AFF2: variants seen among roughly 807,000 people sequenced by gnomAD.
The protein encoded by AFF2 is AF4/FMR2 family member 2.
In AFF2, 14 loss-of-function variants were observed where a neutral mutation model predicts 76.9. The observed-to-expected ratio is 0.18, with a 90% CI of 0.12 to 0.28. The LOEUF is 0.28. AFF2 is among the 10% of genes least tolerant of loss of function. The probability of loss-of-function intolerance (pLI) is 1.00; values close to 1 mark genes in which losing one functional copy is unlikely to be tolerated. For missense variants in AFF2, 868 were observed against 1,001.1 expected (o/e 0.87, Z 1.79); for synonymous variants, 398 against 366.7 (o/e 1.09, Z -0.98).
At chrX:148,713,931 GA>G (rs2054998586) in intron 3 of AFF2, among the ~76,000 whole-genome samples, 1 of 111,861 alleles carries the variant, frequency 8.9e-6, no homozygotes, top group African/African-American at 3.2e-5. Flanking sequence ...TTCAGGGTAT[GA>G]AAATGCAAAG....
chrX:148,529,013 G>A (rs1265246636), intron 1 of AFF2, among the ~76,000 whole-genome samples: 3 of 111,819 alleles, frequency 2.7e-5, no homozygotes, highest in Non-Finnish European at 5.6e-5. Context: ...TTCCTACTGT[G>A]CTCATAAAGT....
chrX:148,923,108 G>A (rs191177462), intron 9 of AFF2, among the ~76,000 whole-genome samples: 1 of 111,798 alleles, frequency 8.9e-6, no homozygotes, highest in East Asian at 2.8e-4. Flanking sequence ...AGGCATGAAT[G>A]TCCTTTGGCT....
intron 3 of AFF2, among the ~76,000 whole-genome samples, chrX:148,698,797 G>GTTTTTTTTTTTTTTTTTTTTTT (rs142604433): frequency 4.2e-5 from 3 of 71,714 alleles, no homozygotes; most frequent in Non-Finnish European, 8.1e-5. Context: ...GAGTTCTAGT[G>GTTTTTTTTTTTTTTTTTTTTTT]TTTTTTTTTT....
intron 9 of AFF2, among the ~76,000 whole-genome samples, chrX:148,951,086 T>C (rs1217308165): frequency 1.8e-5 from 2 of 110,927 alleles, no homozygotes; most frequent in Non-Finnish European, 3.8e-5. Context: ...CTTTTTAAAA[T>C]TAAAAACATC....
chrX:148,978,073 C>T, intron 17 of AFF2, 69 bp downstream of exon 17: 1 of 750,450 alleles, frequency 1.3e-6, no homozygotes, highest in East Asian at 3.2e-5. Flanking sequence ...TCTAGATCAA[C>T]TTAAGCTGCT....
In AFF2 at chrX:148,995,485, G is replaced by A. The variant is rs868987936; in HGVS notation, c.*4153G>A. On this transcript the variant is annotated 3_prime_UTR_variant, in exon 21 of 21. Transcript: ENST00000370460. ...GGGAGGGCAGAAAGGGGGTGGGGGT[G>A]GGGGCGGGGGGGTGGGGGGTGGGGA... is the stretch of plus-strand genomic sequence containing the variant. The A allele has an allele frequency of 2.2e-5, 2 of 89,577 alleles. No homozygotes were observed. Among genetic ancestry groups the A allele is most frequent in the Admixed American group, 2.3e-4 (2 of 8,540 alleles). 7.4% of individuals were successfully genotyped at this position (89,577 alleles called of 1,213,427 possible).
At chrX:148,952,006 G>T (rs1044662044) in intron 9 of AFF2, among the ~76,000 whole-genome samples, 3 of 111,985 alleles carry the variant, frequency 2.7e-5, no homozygotes, top group African/African-American at 9.8e-5. Context: ...GAGATTAAAG[G>T]GCCAGTCTTT....
chrX:148,868,893 C>G (rs1487835775), intron 7 of AFF2, among the ~76,000 whole-genome samples: 1 of 112,264 alleles, frequency 8.9e-6, no homozygotes, highest in Non-Finnish European at 1.9e-5. Flanking sequence ...AAGGCACTAA[C>G]CCCATGTTTA....
At chrX:148,875,477 T>C (rs1423793594) in intron 7 of AFF2, among the ~76,000 whole-genome samples, 4 of 111,823 alleles carry the variant, frequency 3.6e-5, no homozygotes, top group Non-Finnish European at 5.6e-5. Flanking sequence ...TCAGAACAAA[T>C]GGTGTCATTG....
At chrX:148,640,730 T>A (rs1006294284) in intron 1 of AFF2, among the ~76,000 whole-genome samples, 1 of 112,526 alleles carries the variant, frequency 8.9e-6, no homozygotes, top group Admixed American at 9.4e-5. Flanking sequence ...GATCTTCCTG[T>A]CACTGCGTAT....
chrX:148,610,187 GTTA>G (rs1165190412), intron 1 of AFF2, among the ~76,000 whole-genome samples: 1 of 111,419 alleles, frequency 9.0e-6, no homozygotes, highest in Non-Finnish European at 1.9e-5. Context: ...TGGGTGCATT[GTTA>G]TTATCGCTGT....
chrX:148,504,470 A>G (rs1240041095), intron 1 of AFF2, among the ~76,000 whole-genome samples: 2 of 113,044 alleles, frequency 1.8e-5, no homozygotes, highest in Non-Finnish European at 3.7e-5. Context: ...GACAGCATCA[A>G]TTGTTTGTAG....
chrX:148,924,993 A>G (rs2071634934), intron 9 of AFF2, among the ~76,000 whole-genome samples: 1 of 112,600 alleles, frequency 8.9e-6, no homozygotes, highest in Non-Finnish European at 1.9e-5. Flanking sequence ...TCAAACAGTA[A>G]TAAAAAGTAA....
intron 7 of AFF2, among the ~76,000 whole-genome samples, chrX:148,845,405 G>C (rs60813715): frequency 0.013 from 1,486 of 111,580 alleles, 18 homozygotes; most frequent in African/African-American, 0.046. Flanking sequence ...GTAATATATA[G>C]TGTAGCCAAT....
intron 1 of AFF2, among the ~76,000 whole-genome samples, chrX:148,616,908 A>C (rs1238506930): frequency 1.8e-5 from 2 of 110,963 alleles, no homozygotes; most frequent in African/African-American, 6.6e-5. Flanking sequence ...TGAACTCATC[A>C]TTTTTTATGG....
chrX:148,749,340 T>G (rs1425208248), intron 3 of AFF2, among the ~76,000 whole-genome samples: 2 of 108,021 alleles, frequency 1.9e-5, no homozygotes, highest in Non-Finnish European at 3.8e-5. Context: ...GACGTGATCA[T>G]AGCTCACTAT....
intron 1 of AFF2, among the ~76,000 whole-genome samples, chrX:148,556,677 G>C (rs1228066641): frequency 8.9e-6 from 1 of 112,319 alleles, no homozygotes; most frequent in Admixed American, 9.5e-5. Flanking sequence ...TAAATGGCTT[G>C]TGTTTCCCTT....
At chrX:148,919,501 C>G (rs16994819) in intron 9 of AFF2, among the ~76,000 whole-genome samples, 1,779 of 110,294 alleles carry the variant, frequency 0.016, 37 homozygotes, top group African/African-American at 0.055. Context: ...TCTGAAACCT[C>G]ATCCTTGAAA....
At chrX:148,512,452 A>G (rs1474466698) in intron 1 of AFF2, among the ~76,000 whole-genome samples, 1 of 112,433 alleles carries the variant, frequency 8.9e-6, no homozygotes, top group African/African-American at 3.2e-5. Flanking sequence ...ATACTTTGGT[A>G]AACAATTGCA....
Sources: gnomAD v4.1 joint callset for allele counts (sites outside exome capture counted in the v4.1 genomes callset) on GRCh38, gnomAD v4.1.1 for gene constraint, MANE v1.5 for transcripts, NCBI Gene and HGNC (gene_info 2026-07-23, HGNC 2026-07-21) for gene names.